PALS1: variants seen among roughly 807,000 people sequenced by gnomAD.
PALS1 encodes the protein protein associated with LIN7 1, MAGUK p55 family member, also known as protein PALS1.
A neutral mutation model predicts 78.9 loss-of-function variants in PALS1; 31 were observed. The observed-to-expected ratio is 0.39, with a 90% CI of 0.30 to 0.53. The LOEUF (loss-of-function observed/expected upper bound fraction) is 0.53, where lower values mean the gene tolerates loss of function less well. Among genes scored for constraint, PALS1 ranks in the 20% least tolerant of loss-of-function variants. The pLI, the probability that PALS1 is intolerant of heterozygous loss-of-function variation, is 0.67. For synonymous variants in PALS1, 276 were observed against 270.9 expected, an observed-to-expected ratio of 1.02 and a Z score of -0.18; for missense variants, 704 against 826.5, an observed-to-expected ratio of 0.85 and a Z score of 1.82.
intron 2 of PALS1, chr14:67,271,686 CAG>C (rs1036262775): frequency 2.0e-5 from 3 of 152,238 alleles, no homozygotes; most frequent in South Asian, 2.1e-4. Context: ...GAATTGAAAA[CAG>C]GGAGAGGATT....
chr14:67,260,410 A>C (rs1413289761), intron 1 of PALS1, among the ~76,000 whole-genome samples: 1 of 152,208 alleles, frequency 6.6e-6, no homozygotes, highest in African/African-American at 2.4e-5. Flanking sequence ...AAATATTTGT[A>C]TATAGCACAA....
At chr14:67,316,555 A>G (rs944481346) in intron 9 of PALS1, among the ~76,000 whole-genome samples, 4 of 152,196 alleles carry the variant, frequency 2.6e-5, no homozygotes, top group Non-Finnish European at 2.9e-5. Flanking sequence ...TAAATGCTCA[A>G]TGAAACCTTT....
chr14:67,259,522 G>A (rs934493621), intron 1 of PALS1, among the ~76,000 whole-genome samples: 3 of 152,132 alleles, frequency 2.0e-5, no homozygotes, highest in Non-Finnish European at 4.4e-5. Context: ...TGAGGCAGGA[G>A]AATTGCGTGA....
intron 1 of PALS1, among the ~76,000 whole-genome samples, chr14:67,251,498 A>C (rs1055677670): frequency 1.3e-5 from 2 of 152,186 alleles, no homozygotes; most frequent in Non-Finnish European, 1.5e-5. Flanking sequence ...GCACCATTGC[A>C]CTTCAGCCTG....
chr14:67,258,085 T>G (rs1015065785), intron 1 of PALS1, among the ~76,000 whole-genome samples: 2 of 151,992 alleles, frequency 1.3e-5, no homozygotes, highest in African/African-American at 4.8e-5. Flanking sequence ...TCTTATCTAG[T>G]ATTTAAATAT....
intron 1 of PALS1, among the ~76,000 whole-genome samples, chr14:67,266,779 G>A (rs910262094): frequency 2.6e-5 from 4 of 151,984 alleles, no homozygotes; most frequent in Admixed American, 1.3e-4. Flanking sequence ...GTCAGTATAC[G>A]ACTTGTTTTT....
intron 1 of PALS1, among the ~76,000 whole-genome samples, chr14:67,264,370 A>G (rs184265446): frequency 4.4e-4 from 67 of 152,222 alleles, no homozygotes; most frequent in Middle Eastern, 3.4e-3. Context: ...GGTTTTGGCT[A>G]TTTGATGTAA....
intron 14 of PALS1, among the ~76,000 whole-genome samples, chr14:67,325,981 T>TTC (rs2085347999): frequency 7.1e-6 from 1 of 140,254 alleles, no homozygotes; most frequent in Admixed American, 7.1e-5. Flanking sequence ...GCTCTTTTCT[T>TTC]TTTTTTTTTT....
chr14:67,305,563 G>A (rs534314817), intron 8 of PALS1, among the ~76,000 whole-genome samples: 1 of 152,336 alleles, frequency 6.6e-6, no homozygotes, highest in Non-Finnish European at 1.5e-5. Flanking sequence ...TTACAGACGT[G>A]AGCCACAATG....
chr14:67,329,782 C>T (rs1026658405), intron 14 of PALS1, among the ~76,000 whole-genome samples: 94 of 151,600 alleles, frequency 6.2e-4, no homozygotes, highest in Middle Eastern at 6.8e-3. Context: ...CTGAAGAGGC[C>T]GAGTTCGTGC....
chr14:67,301,349 C>T, intron 4 of PALS1, 40 bp from the exon 5 acceptor site: 2 of 1,446,774 alleles, frequency 1.4e-6, no homozygotes, highest in Non-Finnish European at 9.6e-7. Context: ...CTGATACTTC[C>T]TATAATCTAG....
intron 13 of PALS1, among the ~76,000 whole-genome samples, chr14:67,322,771 G>A (rs1350543603): frequency 1.3e-5 from 2 of 152,108 alleles, no homozygotes; most frequent in Non-Finnish European, 2.9e-5. Flanking sequence ...AAAGAACTCA[G>A]CATATTGTTT....
In PALS1 at chr14:67,245,299, A is replaced by G. The variant is rs2083970999; in HGVS notation, c.-237+3766A>G. Among the ~76,000 whole-genome samples, 4 of 152,264 alleles carry G rather than the reference A, an allele frequency of 2.6e-5. No individual in the cohort carries two copies. The South Asian group carries it at 8.3e-4, about 32-fold the overall frequency. ...ATATATGAGAGGTCAGTTGCTTTAC[A>G]TTCCTGTCAGCACTTGGTATGGTCA... On this transcript the variant is annotated intron_variant, in intron 1 of 14. Transcript: ENST00000261681.
intron 2 of PALS1, among the ~76,000 whole-genome samples, chr14:67,278,366 A>G (rs551120108): frequency 5.2e-4 from 78 of 149,866 alleles, no homozygotes; most frequent in Non-Finnish European, 9.2e-4. Flanking sequence ...TAATGGGACC[A>G]GTTATAAAGA....
chr14:67,328,881 C>A (rs181019207), intron 14 of PALS1, among the ~76,000 whole-genome samples: 1,701 of 152,234 alleles, frequency 0.011, 20 homozygotes, highest in Middle Eastern at 0.017. Flanking sequence ...GTTACTGTAG[C>A]CTTGTAGTAT....
intron 3 of PALS1, among the ~76,000 whole-genome samples, chr14:67,287,121 G>A (rs2084702151): frequency 6.6e-6 from 1 of 151,990 alleles, no homozygotes; most frequent in African/African-American, 2.4e-5. Flanking sequence ...GGGAGGCTGA[G>A]GTGGGAAGGA....
chr14:67,267,596 G>A (rs1219044728), intron 1 of PALS1, among the ~76,000 whole-genome samples: 1 of 151,950 alleles, frequency 6.6e-6, no homozygotes, highest in African/African-American at 2.4e-5. Flanking sequence ...TTTCAAAACG[G>A]GTTTATTGAG....
chr14:67,260,024 G>C (rs1437796573), intron 1 of PALS1, among the ~76,000 whole-genome samples: 1 of 152,084 alleles, frequency 6.6e-6, no homozygotes, highest in Non-Finnish European at 1.5e-5. Flanking sequence ...CCAGGAGAGA[G>C]ATTTAAACAG....
chr14:67,296,559 C>T (rs1304449085), intron 4 of PALS1, among the ~76,000 whole-genome samples: 2 of 124,128 alleles, frequency 1.6e-5, no homozygotes, highest in African/African-American at 6.2e-5. Flanking sequence ...TCCATCCAGC[C>T]TGGGCAACAG....
Sources: allele counts gnomAD v4.1 joint callset (sites outside exome capture counted in the v4.1 genomes callset), GRCh38; gene constraint gnomAD v4.1.1; transcripts MANE v1.5; gene names NCBI Gene and HGNC (gene_info 2026-07-23, HGNC 2026-07-21).